The following HDLBP variants were observed in gnomAD, a reference collection of about 807,000 sequenced individuals.
The protein encoded by HDLBP is high density lipoprotein binding protein.
A neutral mutation model predicts 137.3 loss-of-function variants in HDLBP; 30 were observed. The observed-to-expected ratio is 0.22, with a 90% confidence interval of 0.16 to 0.30. The LOEUF (loss-of-function observed/expected upper bound fraction) is 0.30, where lower values mean the gene tolerates loss of function less well. Among genes scored for constraint, HDLBP ranks in the 10% least tolerant of loss-of-function variants. The pLI, the probability that HDLBP is intolerant of heterozygous loss-of-function variation, is 1.00. For missense variants in HDLBP, 1,119 were observed against 1,667.3 expected (o/e 0.67, Z 5.73); for synonymous variants, 606 against 596.0 (o/e 1.02, Z -0.24).
At chr2:241,295,081 G>A (rs1049140387) in intron 1 of HDLBP, among the ~76,000 whole-genome samples, 13 of 152,100 alleles carry the variant, frequency 8.5e-5, no homozygotes, top group Non-Finnish European at 1.6e-4. Context: ...CAGCCTGGGC[G>A]ACAGAGCAAA....
chr2:241,256,422 A>G (rs1464446053), intron 6 of HDLBP, 23 bp from the exon 7 acceptor site: 10 of 1,585,512 alleles, frequency 6.3e-6, no homozygotes, highest in Non-Finnish European at 8.6e-6. Context: ...GGATGATCTG[A>G]TGAGAACAGG....
At chr2:241,287,817 T>C (rs986405605) in intron 1 of HDLBP, among the ~76,000 whole-genome samples, 2 of 152,154 alleles carry the variant, frequency 1.3e-5, no homozygotes, top group Non-Finnish European at 2.9e-5. Context: ...ACTCAAGTCA[T>C]TGAGAATAGC....
At chr2:241,236,900 C>T in intron 20 of HDLBP, 131 bp from the exon 21 acceptor site, 1 of 816,468 alleles carries the variant, frequency 1.2e-6, no homozygotes, top group South Asian at 1.6e-5. Context: ...CACTCCTGTC[C>T]TTCAGGAGGT....
At chr2:241,282,300 T>C (rs1347049964) in intron 1 of HDLBP, among the ~76,000 whole-genome samples, 1 of 152,208 alleles carries the variant, frequency 6.6e-6, no homozygotes, top group African/African-American at 2.4e-5. Context: ...AGAATAAGAT[T>C]CTACATTTCA....
chr2:241,272,284 G>T lies in HDLBP; in HGVS notation c.-102-3743C>A. 1 of 978,580 alleles carries T rather than the reference G, an allele frequency of 1.0e-6. No homozygotes were observed. The highest frequency in any genetic ancestry group is 1.2e-6 in the Non-Finnish European group (1 of 824,070). 60.6% of individuals were successfully genotyped at this position (978,580 alleles called of 1,614,324 possible). ...GGGAAGGACCCCGCTGGCCTCCCAG[G>T]GACCCCCACCCTGGCCGCACACGGC... On this transcript the variant is annotated intron_variant, in intron 1 of 27. Transcript: ENST00000310931. This position sits in a 1 kb window ranked among gnomAD's most constrained non-coding sequence, Gnocchi z 5.6.
rs750442483 is a variant in HDLBP, at chr2:241,235,129, C to G, written c.3136G>C (p.Glu1046Gln). Residue 1046 changes from glutamate to glutamine, a missense_variant, in exon 23 of 28, where the codon GAG (glutamate) becomes CAG (glutamine). Glu to Gln is a conservative substitution (Grantham distance 29, BLOSUM62 2). Coordinates refer to ENST00000310931, the MANE Select transcript of HDLBP (RefSeq NM_005336.6). ...GGCCACCTCCTGCTCACCCGGTCCT[C>G]CTGCTCGGCCTGTAGCTCCTTCACA... The part of the protein sequence containing the change: ...ERVKELQAEQ[E>Q]DRALRSFKLS... The G allele has an allele frequency of 1.2e-6, 2 of 1,613,270 alleles. No individual in the cohort carries two copies. The highest frequency in any genetic ancestry group is 2.2e-5 in the South Asian group (2 of 91,054).
intron 1 of HDLBP, among the ~76,000 whole-genome samples, chr2:241,308,480 T>A (rs1335055455): frequency 6.6e-6 from 1 of 152,236 alleles, no homozygotes; most frequent in Non-Finnish European, 1.5e-5. Context: ...GTAGACAACG[T>A]AAGCTGATGA....
intron 1 of HDLBP, among the ~76,000 whole-genome samples, chr2:241,279,264 A>T (rs1415518624): frequency 6.6e-6 from 1 of 152,198 alleles, no homozygotes; most frequent in Non-Finnish European, 1.5e-5. Flanking sequence ...TTACAACCAG[A>T]TTTTATACAA....
At chr2:241,257,090 G>A (rs976129039) in intron 5 of HDLBP, among the ~76,000 whole-genome samples, 6 of 152,146 alleles carry the variant, frequency 3.9e-5, no homozygotes, top group African/African-American at 9.6e-5. Flanking sequence ...AGCTGGACAG[G>A]AAGAAGCATG....
intron 17 of HDLBP, among the ~76,000 whole-genome samples, chr2:241,241,187 A>G (rs1204389788): frequency 6.6e-6 from 1 of 152,150 alleles, no homozygotes; most frequent in Non-Finnish European, 1.5e-5. Context: ...TAACAACAAC[A>G]AAAAAGACAA....
chr2:241,282,373 T>G (rs916079210), intron 1 of HDLBP, among the ~76,000 whole-genome samples: 2 of 152,196 alleles, frequency 1.3e-5, no homozygotes, highest in Non-Finnish European at 2.9e-5. Flanking sequence ...CAGGTGTGGC[T>G]GGAGGAATAA....
chr2:241,233,947 T>C lies in HDLBP; in HGVS notation c.3161A>G (p.Lys1054Arg). 6.2e-7 allele frequency: 1 copy of C among 1,614,214 alleles called. No individual in the cohort carries two copies. Among genetic ancestry groups the C allele is most frequent in the Non-Finnish European group, 8.5e-7 (1 of 1,180,042 alleles). Residue 1054 changes from lysine to arginine, a missense_variant, in exon 24 of 28, where the codon AAG (lysine) becomes AGG (arginine). Physicochemically the swap from Lys to Arg is conservative, Grantham distance 26 (BLOSUM62 2). Transcript: ENST00000310931. The surrounding 1 kb of genome is among the most constrained non-coding windows in gnomAD (Gnocchi z 4.3). ...EQEDRALRSF[K>R]LSVTVDPKYH... The stretch of plus-strand genomic sequence containing the variant: ...TTTGGGGTCTACAGTGACACTCAGC[T>C]TAAAACTCCTTAAAGCCTACAAATG...
At chr2:241,294,966 G>T (rs1357955619) in intron 1 of HDLBP, among the ~76,000 whole-genome samples, 3 of 152,100 alleles carry the variant, frequency 2.0e-5, no homozygotes, top group Non-Finnish European at 4.4e-5. Context: ...GCCAGGCATG[G>T]TGGTGGGTGC....
At chr2:241,308,568 C>T (rs1012043179) in intron 1 of HDLBP, among the ~76,000 whole-genome samples, 1 of 152,286 alleles carries the variant, frequency 6.6e-6, no homozygotes, top group Middle Eastern at 3.4e-3. Context: ...AAGGGCTCCC[C>T]CAAAAGGTAA....
At position 241,230,994 on chromosome 2, in the gene HDLBP, C is replaced by T. The variant is rs772173813; in HGVS notation, c.3289-50G>A. 9.7e-6 allele frequency: 15 copies of T among 1,545,496 alleles called. No individual in the cohort carries two copies. The highest frequency in any genetic ancestry group is 6.8e-5 in the East Asian group (3 of 44,296). On this transcript the variant is annotated intron_variant, in intron 24 of 27. Coordinates refer to ENST00000310931, the MANE Select transcript of HDLBP (RefSeq NM_005336.6). The surrounding 1 kb of genome is among the most constrained non-coding windows in gnomAD (Gnocchi z 5.0). ...AAAGGGGATGCCTTACTGGGATTCC[C>T]GTCAGGGGCAAGAGCCGGCCCCCAC...
At chr2:241,241,347 CA>C (rs1460530297) in intron 17 of HDLBP, among the ~76,000 whole-genome samples, 1 of 151,942 alleles carries the variant, frequency 6.6e-6, no homozygotes, top group Non-Finnish European at 1.5e-5. Context: ...GCGGGCGGAT[CA>C]CGAGGTCAGG....
Position 241,281,421 on chromosome 2 carries a change from T to G in HDLBP, c.-102-12880A>C, listed in dbSNP as rs189248051. Among the ~76,000 whole-genome samples the G allele has an allele frequency of 6.9e-3, 1,043 of 152,188 alleles. 10 individuals carry two copies. Among genetic ancestry groups the G allele is most frequent in the African/African-American group, 0.024 (976 of 41,522 alleles). On this transcript the variant is annotated intron_variant, in intron 1 of 27. Coordinates refer to ENST00000310931, the MANE Select transcript of HDLBP (RefSeq NM_005336.6). ...CTGTAATCCCAGCTACTCGGGAGGCTGAGGTGGGAGAATTGCTTGGGCCTA... is the reference window on the plus strand; with the variant it reads ...CTGTAATCCCAGCTACTCGGGAGGCGGAGGTGGGAGAATTGCTTGGGCCTA...
chr2:241,285,337 G>GC (rs2074763425), intron 1 of HDLBP, among the ~76,000 whole-genome samples: 1 of 152,226 alleles, frequency 6.6e-6, no homozygotes, highest in African/African-American at 2.4e-5. Flanking sequence ...TCTGCAGTGT[G>GC]CCTGATGTGC....
chr2:241,240,148 A>G lies in HDLBP; in HGVS notation c.2170-26T>C, dbSNP rs2071060855. On this transcript the variant is annotated intron_variant, in intron 17 of 27. Coordinates refer to ENST00000310931, the MANE Select transcript of HDLBP (RefSeq NM_005336.6). This position sits in a 1 kb window ranked among gnomAD's most constrained non-coding sequence, Gnocchi z 5.5. ...CTGCAGAAACCAATCCCACTGTGTT[A>G]GCCTGACACCACGTGCCTGGACCAC... 1.2e-6 allele frequency: 2 copies of G among 1,607,928 alleles called. No homozygotes were observed. Among genetic ancestry groups the G allele is most frequent in the Non-Finnish European group, 1.7e-6 (2 of 1,174,334 alleles).
Sources: gnomAD v4.1 joint callset for allele counts (sites outside exome capture counted in the v4.1 genomes callset) on GRCh38, gnomAD v4.1.1 for gene constraint, Gnocchi (gnomAD v3.1) non-coding constraint, MANE v1.5 for transcripts, NCBI Gene and HGNC (gene_info 2026-07-23, HGNC 2026-07-21) for gene names.